The following TDRD3 variants were observed in gnomAD, a reference collection of about 807,000 sequenced individuals.
The protein encoded by TDRD3 is tudor domain containing 3, also known as tudor domain-containing protein 3.
TDRD3 carries 45 observed loss-of-function variants against 86.7 expected under a neutral mutation model. The observed-to-expected ratio is 0.52, with a 90% CI of 0.41 to 0.67. TDRD3 has a LOEUF of 0.67. TDRD3 is among the 30% of genes least tolerant of loss of function. The probability of loss-of-function intolerance (pLI) is 0.00; values close to 1 mark genes in which losing one functional copy is unlikely to be tolerated. For synonymous variants in TDRD3, 298 were observed against 301.7 expected, an observed-to-expected ratio of 0.99 and a Z score of 0.13; for missense variants, 814 against 889.0, an observed-to-expected ratio of 0.92 and a Z score of 1.07.
chr13:60,455,293 C>A (rs1295826857), intron 3 of TDRD3, among the ~76,000 whole-genome samples: 1 of 152,142 alleles, frequency 6.6e-6, no homozygotes, highest in Non-Finnish European at 1.5e-5. Flanking sequence ...AAAAAGAGGT[C>A]GTCATAAGTG....
intron 3 of TDRD3, among the ~76,000 whole-genome samples, chr13:60,455,560 T>C (rs1484140231): frequency 6.6e-6 from 1 of 152,226 alleles, no homozygotes; most frequent in African/African-American, 2.4e-5. Context: ...AATTAAGACT[T>C]TAAGTAGATA....
intron 12 of TDRD3, chr13:60,536,213 T>C (rs563483522): frequency 9.9e-5 from 15 of 152,154 alleles, no homozygotes; most frequent in Admixed American, 3.3e-4. Flanking sequence ...AAAAACCTAA[T>C]AGTAGTAATA....
intron 8 of TDRD3, among the ~76,000 whole-genome samples, chr13:60,507,718 A>T (rs1023486548): frequency 6.6e-6 from 1 of 152,212 alleles, no homozygotes; most frequent in Admixed American, 6.5e-5. Context: ...GGCACAAGAC[A>T]AGGATGCCCT....
chr13:60,513,020 C>T (rs1301252078), intron 10 of TDRD3, among the ~76,000 whole-genome samples: 2 of 152,212 alleles, frequency 1.3e-5, no homozygotes, highest in Non-Finnish European at 2.9e-5. Context: ...TTGAAGGGCC[C>T]GCCCCTGCAG....
At position 60,444,699 on chromosome 13, in the gene TDRD3, T is replaced by A; in HGVS notation, c.143T>A (p.Ile48Asn). 1 of 1,477,820 alleles carries A rather than the reference T, an allele frequency of 6.8e-7. No homozygotes were observed. The highest frequency in any genetic ancestry group is 9.1e-7 in the Non-Finnish European group (1 of 1,102,124). 91.5% of individuals were successfully genotyped at this position (1,477,820 alleles called of 1,614,324 possible). The change falls in exon 3 of 14, where the codon ATT becomes AAT. Residue 48 changes from isoleucine to asparagine, a missense_variant. Coordinates refer to ENST00000377881, the MANE Select transcript of TDRD3 (RefSeq NM_001146070.2). ...LIALNTDLRT[I>N]GKKFLPSDIN... ...TTATTTTAGACAGATCTGAGAACAA[T>A]TGGCAAGAAATTCCTCCCCAGTGAC... is the stretch of plus-strand genomic sequence containing the variant.
Position 60,483,995 on chromosome 13 carries a change from G to GT in TDRD3, c.567+156dup, listed in dbSNP as rs1015602658. On this transcript the variant is annotated intron_variant, in intron 6 of 13. Transcript: ENST00000377881. ...GTTCAAGGAATTTAATAATTTTGAGGTTTTTTTCCTTCACTGTAGTTATAT... is the reference window on the plus strand; with the variant it reads ...GTTCAAGGAATTTAATAATTTTGAGGTTTTTTTTCCTTCACTGTAGTTATAT... 6 of 779,632 alleles carry GT rather than the reference G, an allele frequency of 7.7e-6. 1 individual carries two copies. Among genetic ancestry groups the GT allele is most frequent in the African/African-American group, 7.3e-5 (4 of 55,094 alleles). 48.3% of individuals were successfully genotyped at this position (779,632 alleles called of 1,614,324 possible). A position where few individuals can be genotyped will look rare whatever the true frequency, so the allele number is the denominator to read the frequency against.
intron 5 of TDRD3, among the ~76,000 whole-genome samples, chr13:60,481,142 G>T (rs1956305419): frequency 6.6e-6 from 1 of 152,158 alleles, no homozygotes; most frequent in African/African-American, 2.4e-5. Context: ...TGGCCAGGCA[G>T]GGACTCTTAG....
intron 1 of TDRD3, among the ~76,000 whole-genome samples, chr13:60,407,648 G>A (rs757650105): frequency 1.1e-4 from 16 of 152,120 alleles, no homozygotes; most frequent in Admixed American, 2.0e-4. Context: ...TTCTTTGCCC[G>A]AGACAACCAG....
At chr13:60,537,778 T>C (rs994443126) in intron 12 of TDRD3, 1 of 152,028 alleles carries the variant, frequency 6.6e-6, no homozygotes, top group Non-Finnish European at 1.5e-5. Context: ...ATTTTTTTTA[T>C]TGTGAAATGG....
chr13:60,553,388 T>C (rs1958110490), intron 12 of TDRD3, among the ~76,000 whole-genome samples: 1 of 152,060 alleles, frequency 6.6e-6, no homozygotes, highest in Non-Finnish European at 1.5e-5. Context: ...TTCTGAGCCC[T>C]CCAAACTGTT....
intron 8 of TDRD3, among the ~76,000 whole-genome samples, chr13:60,508,994 T>C (rs1956996208): frequency 1.3e-5 from 2 of 152,204 alleles, no homozygotes; most frequent in Non-Finnish European, 2.9e-5. Flanking sequence ...TGGACTGTCT[T>C]ATATATGCTC....
intron 1 of TDRD3, among the ~76,000 whole-genome samples, chr13:60,418,245 C>A (rs1209439574): frequency 6.6e-6 from 1 of 151,960 alleles, no homozygotes; most frequent in East Asian, 1.9e-4. Flanking sequence ...CATTTCTGAT[C>A]TTGTCCTTTC....
At chr13:60,406,149 A>G (rs138606242) in intron 1 of TDRD3, among the ~76,000 whole-genome samples, 224 of 152,310 alleles carry the variant, frequency 1.5e-3, no homozygotes, top group African/African-American at 5.0e-3. Context: ...GGAAATACCA[A>G]TCTTGCACTC....
At chr13:60,425,682 CTG>C (rs1419794246) in intron 1 of TDRD3, among the ~76,000 whole-genome samples, 3 of 151,880 alleles carry the variant, frequency 2.0e-5, no homozygotes, top group Non-Finnish European at 2.9e-5. Flanking sequence ...CGGATTTGAA[CTG>C]TGTGAGTTCA....
intron 8 of TDRD3, among the ~76,000 whole-genome samples, chr13:60,501,470 G>A (rs987861537): frequency 1.3e-5 from 2 of 152,230 alleles, no homozygotes; most frequent in African/African-American, 2.4e-5. Flanking sequence ...TTTGGGATAA[G>A]TAGCATTGGA....
intron 12 of TDRD3, among the ~76,000 whole-genome samples, chr13:60,543,549 C>G (rs1298930665): frequency 6.6e-6 from 1 of 151,922 alleles, no homozygotes; most frequent in Non-Finnish European, 1.5e-5. Context: ...ACTTGGAAAC[C>G]ATCTTAACTA....
intron 1 of TDRD3, among the ~76,000 whole-genome samples, chr13:60,404,789 G>T (rs1297370592): frequency 6.6e-6 from 1 of 152,198 alleles, no homozygotes; most frequent in Admixed American, 6.5e-5. Flanking sequence ...ATTCTTAGTT[G>T]ATATGGTTTG....
At chr13:60,510,778 C>A (rs1181167775) in intron 10 of TDRD3, 23 bp downstream of exon 10, 3 of 1,466,534 alleles carry the variant, frequency 2.0e-6, no homozygotes, top group South Asian at 2.9e-5. Flanking sequence ...AAAGTTGATT[C>A]CTTTTTTTTT....
intron 13 of TDRD3, among the ~76,000 whole-genome samples, chr13:60,571,284 T>A (rs1958579993): frequency 3.9e-5 from 6 of 152,184 alleles, no homozygotes; most frequent in Admixed American, 2.6e-4. Context: ...TATCTTTGAA[T>A]GGGAGGTTCA....
Sources: gnomAD v4.1 joint callset for allele counts (sites outside exome capture counted in the v4.1 genomes callset) on GRCh38, gnomAD v4.1.1 for gene constraint, MANE v1.5 for transcripts, NCBI Gene and HGNC (gene_info 2026-07-23, HGNC 2026-07-21) for gene names.